Variants in BTC observed in about 807,000 individuals in gnomAD.
BTC encodes betacellulin.
A neutral mutation model predicts 18.1 loss-of-function variants in BTC; 13 were observed. That is an observed-to-expected ratio of 0.72 (90% CI 0.47 to 1.14). The LOEUF is 1.14. BTC is among the 50% of genes most tolerant of loss of function. BTC has a pLI of 0.00. For missense variants in BTC, 247 were observed against 224.2 expected (o/e 1.10, Z -0.65); for synonymous variants, 83 against 79.4 (o/e 1.05, Z -0.24).
chr4:74,753,817 T>C (rs1451067590), intron 3 of BTC, among the ~76,000 whole-genome samples: 1 of 96,906 alleles, frequency 1.0e-5, no homozygotes, highest in East Asian at 3.2e-4. Context: ...AGACCTTCTC[T>C]CCAAAAAAAG....
In BTC at chr4:74,777,343, G is replaced by A. The variant is rs775990807; in HGVS notation, c.65-7187C>T. ...AGGTAATGCCTTGCACAGGGTAAGC[G>A]CTCAAAAAATAGTAGCTGTTAAGTG... On this transcript the variant is annotated intron_variant, in intron 1 of 5. Coordinates refer to ENST00000395743, the MANE Select transcript of BTC (RefSeq NM_001729.4). Among the ~76,000 whole-genome samples the A allele has an allele frequency of 2.6e-5, 4 of 152,004 alleles. No homozygotes were observed. In the East Asian group the frequency reaches 7.7e-4, roughly 29 times the overall value.
At chr4:74,790,374 T>C (rs934897279) in intron 1 of BTC, among the ~76,000 whole-genome samples, 6 of 152,220 alleles carry the variant, frequency 3.9e-5, no homozygotes, top group Non-Finnish European at 7.4e-5. Context: ...TATTAGCTTT[T>C]ACAGGTGAGT....
chr4:74,762,606 A>T (rs1553957432), intron 2 of BTC, among the ~76,000 whole-genome samples: 1 of 152,146 alleles, frequency 6.6e-6, no homozygotes, highest in Non-Finnish European at 1.5e-5. Flanking sequence ...AAGGAAGGAA[A>T]CAAAAAAGTG....
intron 2 of BTC, among the ~76,000 whole-genome samples, chr4:74,761,096 C>T (rs1272302447): frequency 2.6e-5 from 4 of 151,368 alleles, no homozygotes; most frequent in African/African-American, 9.7e-5. Context: ...AATGGGCCTT[C>T]ACCCAGAGCT....
intron 1 of BTC, among the ~76,000 whole-genome samples, chr4:74,783,345 A>G (rs1430577315): frequency 1.3e-5 from 2 of 152,104 alleles, no homozygotes; most frequent in Admixed American, 6.6e-5. Flanking sequence ...GGCACCGTTT[A>G]TTAAATAAGG....
intron 1 of BTC, among the ~76,000 whole-genome samples, chr4:74,773,908 G>A (rs886590920): frequency 1.3e-5 from 2 of 152,028 alleles, no homozygotes; most frequent in Non-Finnish European, 2.9e-5. Context: ...CACCAAGCCC[G>A]GCCCGACACA....
chr4:74,752,631 G>A (rs904647626), intron 3 of BTC, among the ~76,000 whole-genome samples: 2 of 151,804 alleles, frequency 1.3e-5, no homozygotes, highest in African/African-American at 2.4e-5. Context: ...CTCCCACGTC[G>A]GCTTCCCAAA....
intron 2 of BTC, among the ~76,000 whole-genome samples, chr4:74,759,208 CAAG>C (rs1224593199): frequency 1.7e-4 from 26 of 152,210 alleles, no homozygotes; most frequent in African/African-American, 5.8e-4. Context: ...AGATATTTAT[CAAG>C]AAGAAGGAAA....
intron 1 of BTC, among the ~76,000 whole-genome samples, chr4:74,787,247 C>T (rs1312896461): frequency 6.6e-6 from 1 of 152,134 alleles, no homozygotes; most frequent in African/African-American, 2.4e-5. Flanking sequence ...GTTAAACTTC[C>T]CATCCCCATT....
chr4:74,779,101 T>C (rs1423904870), intron 1 of BTC, among the ~76,000 whole-genome samples: 1 of 145,238 alleles, frequency 6.9e-6, no homozygotes, highest in Non-Finnish European at 1.5e-5. Context: ...TTCAGAAAAA[T>C]AAAATATGAA....
At chr4:74,766,364 G>T (rs1050332430) in intron 2 of BTC, among the ~76,000 whole-genome samples, 3 of 151,958 alleles carry the variant, frequency 2.0e-5, no homozygotes, top group Non-Finnish European at 2.9e-5. Context: ...TGTTGTAATA[G>T]CAGCTGAAAA....
At position 74,767,180 on chromosome 4, in the gene BTC, TACAC is replaced by T. The variant is rs56936798; in HGVS notation, c.163+2874_163+2877del. 7.7e-4 allele frequency among the ~76,000 whole-genome samples: 114 copies of T among 147,592 alleles called. 2 individuals are homozygous for T. In the East Asian group the frequency reaches 0.017, roughly 21 times the overall value. ...CCTATACATAAAAAATTCTAAAGAC[TACAC>T]ACACACACACACACACACACAAACT... is the stretch of plus-strand genomic sequence containing the variant. On this transcript the variant is annotated intron_variant, in intron 2 of 5. Coordinates refer to ENST00000395743, the MANE Select transcript of BTC (RefSeq NM_001729.4).
Position 74,745,079 on chromosome 4 carries a change from T to G in BTC, c.*1598A>C, listed in dbSNP as rs577204655. On this transcript the variant is annotated 3_prime_UTR_variant, in exon 6 of 6. Transcript: ENST00000395743. ...TCCTTTCGTATCGAAGAAGACTACA[T>G]AAGAGAAAGGGCATGAATGAGCTTA... The G allele has an allele frequency of 2.0e-5, 3 of 152,196 alleles. No individual in the cohort carries two copies. Among genetic ancestry groups the G allele is most frequent in the African/African-American group, 7.2e-5 (3 of 41,456 alleles). 9.4% of individuals were successfully genotyped at this position (152,196 alleles called of 1,614,324 possible).
chr4:74,754,032 A>C (rs956644881), intron 3 of BTC, among the ~76,000 whole-genome samples: 2 of 152,234 alleles, frequency 1.3e-5, no homozygotes, highest in Admixed American at 1.3e-4. Flanking sequence ...GATAAAACTG[A>C]GGCTCAGAAA....
intron 1 of BTC, 114 bp from the exon 2 acceptor site, chr4:74,770,270 C>T: frequency 1.2e-6 from 1 of 814,694 alleles, no homozygotes; most frequent in Non-Finnish European, 1.9e-6. Flanking sequence ...ACTATGGTTT[C>T]CATTTCCAAG....
At chr4:74,769,478 A>G (rs1724984942) in intron 2 of BTC, among the ~76,000 whole-genome samples, 1 of 152,136 alleles carries the variant, frequency 6.6e-6, no homozygotes, top group South Asian at 2.1e-4. Context: ...TAGTTGTGAC[A>G]AAGACATCAT....
chr4:74,791,652 C>T (rs557938835), intron 1 of BTC, among the ~76,000 whole-genome samples: 2 of 152,196 alleles, frequency 1.3e-5, no homozygotes, highest in South Asian at 2.1e-4. Flanking sequence ...GAAAGTAGTA[C>T]CTAATTTGCA....
intron 1 of BTC, 130 bp downstream of exon 1, chr4:74,794,132 C>T (rs1373187703): frequency 1.6e-6 from 2 of 1,220,750 alleles, no homozygotes; most frequent in Non-Finnish European, 2.3e-6. Flanking sequence ...CTTCAAAGTT[C>T]TCCAACCCGC....
intron 1 of BTC, among the ~76,000 whole-genome samples, chr4:74,790,605 A>G (rs190924999): frequency 2.6e-5 from 4 of 152,256 alleles, no homozygotes; most frequent in Admixed American, 6.5e-5. Flanking sequence ...CATCTGCCCA[A>G]AGGAGCATCC....
Sources: gnomAD v4.1 joint callset for allele counts (sites outside exome capture counted in the v4.1 genomes callset) on GRCh38, gnomAD v4.1.1 for gene constraint, MANE v1.5 for transcripts, NCBI Gene and HGNC (gene_info 2026-07-23, HGNC 2026-07-21) for gene names.